NRBF2: variants seen among roughly 807,000 people sequenced by gnomAD.
NRBF2 encodes nuclear receptor-binding factor 2.
In NRBF2, 12 loss-of-function variants were observed where a neutral mutation model predicts 28.5. That is an observed-to-expected ratio of 0.42 (90% CI 0.27 to 0.68). The LOEUF (loss-of-function observed/expected upper bound fraction) is 0.68. Among genes scored for constraint, NRBF2 ranks in the 30% least tolerant of loss-of-function variants. The probability of loss-of-function intolerance (pLI) is 0.24; values close to 1 mark genes in which losing one functional copy is unlikely to be tolerated. For synonymous variants in NRBF2, 102 were observed against 116.5 expected, an observed-to-expected ratio of 0.88 and a Z score of 0.80; for missense variants, 274 against 333.5, an observed-to-expected ratio of 0.82 and a Z score of 1.39.
At position 63,154,593 on chromosome 10, in the gene NRBF2, A is replaced by G. The variant is rs933729814; in HGVS notation, c.*375A>G. 4.2e-5 allele frequency: 7 copies of G among 166,412 alleles called. No individual in the cohort carries two copies. Among genetic ancestry groups the G allele is most frequent in the Non-Finnish European group, 7.8e-5 (6 of 76,964 alleles). 10.3% of individuals were successfully genotyped at this position (166,412 alleles called of 1,614,324 possible). ...TCTATAATGCCATAAATGATAATGCAAAACCTAAATAATATGGTGGCCGGA... is the reference window on the plus strand; with the variant it reads ...TCTATAATGCCATAAATGATAATGCGAAACCTAAATAATATGGTGGCCGGA... On this transcript the variant is annotated 3_prime_UTR_variant, in exon 4 of 4. Coordinates refer to ENST00000277746, the MANE Select transcript of NRBF2 (RefSeq NM_030759.5).
At chr10:63,143,577 C>T (rs1003580628) in intron 1 of NRBF2, among the ~76,000 whole-genome samples, 2 of 151,846 alleles carry the variant, frequency 1.3e-5, no homozygotes, top group African/African-American at 4.8e-5. Flanking sequence ...TCTCTTGCTT[C>T]AGCCTCCCGA....
At chr10:63,135,781 G>A (rs1309687124) in intron 1 of NRBF2, among the ~76,000 whole-genome samples, 2 of 151,976 alleles carry the variant, frequency 1.3e-5, no homozygotes, top group Non-Finnish European at 2.9e-5. Flanking sequence ...TGAGTAGCTG[G>A]GATTTCAGGC....
intron 1 of NRBF2, among the ~76,000 whole-genome samples, chr10:63,136,627 T>G (rs1002906451): frequency 3.3e-5 from 5 of 152,218 alleles, no homozygotes; most frequent in African/African-American, 7.2e-5. Context: ...GGTAATTACT[T>G]AGGTCAGTAA....
chr10:63,153,602 G>A lies in NRBF2; in HGVS notation c.248G>A (p.Arg83Lys). 1 of 1,611,992 alleles carries A rather than the reference G, an allele frequency of 6.2e-7. No individual in the cohort carries two copies. ...TGGAAAAGGGCCCAGCGTGAAGAAA[G>A]ATTGAAAGCCCAGCAGAACACAGAC... ...ERWKRAQREE[R>K]LKAQQNTDKD... Residue 83 changes from arginine to lysine, a missense_variant, in exon 4 of 4, where the codon AGA becomes AAA. Physicochemically the swap from Arg to Lys is conservative, Grantham distance 26. Coordinates refer to ENST00000277746, the MANE Select transcript of NRBF2 (RefSeq NM_030759.5).
chr10:63,149,942 AT>A (rs60700597), intron 2 of NRBF2, among the ~76,000 whole-genome samples: 120,461 of 133,404 alleles, frequency 0.9, 54,426 homozygotes, highest in South Asian at 0.96. Context: ...GTCTCCACAG[AT>A]TTTTTTTTTT....
chr10:63,134,246 A>G (rs537059384), intron 1 of NRBF2, among the ~76,000 whole-genome samples: 2 of 152,248 alleles, frequency 1.3e-5, no homozygotes, highest in African/African-American at 4.8e-5. Flanking sequence ...TTAAAAAACA[A>G]CACAACAGAA....
chr10:63,140,280 C>A (rs1239380086), intron 1 of NRBF2, among the ~76,000 whole-genome samples: 1 of 152,208 alleles, frequency 6.6e-6, no homozygotes, highest in African/African-American at 2.4e-5. Context: ...AGACCTCAAT[C>A]TAACGTAACC....
At chr10:63,135,280 A>G (rs1011354699) in intron 1 of NRBF2, among the ~76,000 whole-genome samples, 1 of 152,228 alleles carries the variant, frequency 6.6e-6, no homozygotes, top group Non-Finnish European at 1.5e-5. Flanking sequence ...CTGAAACTTC[A>G]CAGGAGTATT....
chr10:63,148,709 G>T (rs1260369928), intron 2 of NRBF2, among the ~76,000 whole-genome samples: 1 of 152,178 alleles, frequency 6.6e-6, no homozygotes, highest in Non-Finnish European at 1.5e-5. Flanking sequence ...TAAGTTGCTT[G>T]ATGTCTCTTG....
Position 63,154,184 on chromosome 10 carries a change from C to G in NRBF2, c.830C>G (p.Ser277Cys), listed in dbSNP as rs1841695133. Residue 277 changes from serine to cysteine, a missense_variant, in exon 4 of 4, where the codon TCT (serine) becomes TGT (cysteine). Ser to Cys is a moderately radical substitution (Grantham distance 112, BLOSUM62 -1). Coordinates refer to ENST00000277746, the MANE Select transcript of NRBF2 (RefSeq NM_030759.5). ...PSPELPLMEL[S>C]EDILKGFMNN is the part of the protein sequence containing the mutation. ...CCAGAACTTCCTCTTATGGAGCTCT[C>G]TGAGGATATTCTGAAAGGATTTATG... is the stretch of plus-strand genomic sequence containing the variant. 3 of 1,602,760 alleles carry G rather than the reference C, an allele frequency of 1.9e-6. No homozygotes were observed. Among genetic ancestry groups the G allele is most frequent in the Admixed American group, 3.4e-5 (2 of 58,888 alleles).
chr10:63,149,744 A>C (rs893876160), intron 2 of NRBF2, among the ~76,000 whole-genome samples: 1 of 152,188 alleles, frequency 6.6e-6, no homozygotes, highest in Non-Finnish European at 1.5e-5. Flanking sequence ...TACAATTTCA[A>C]GGTTCTACAA....
At chr10:63,152,079 AAACTCTT>A in intron 2 of NRBF2, 64 bp from the exon 3 acceptor site, 1 of 1,142,726 alleles carries the variant, frequency 8.8e-7, no homozygotes, top group Non-Finnish European at 1.3e-6. Context: ...AAGATTATTA[AAACTCTT>A]CCTTTTACCT....
At chr10:63,152,858 G>A (rs759435544) in intron 3 of NRBF2, among the ~76,000 whole-genome samples, 12 of 152,254 alleles carry the variant, frequency 7.9e-5, no homozygotes, top group Non-Finnish European at 1.5e-4. Context: ...TTAGCTGGGC[G>A]TGGTGGCACA....
chr10:63,136,417 AGC>A (rs1338558143), intron 1 of NRBF2, among the ~76,000 whole-genome samples: 1 of 152,222 alleles, frequency 6.6e-6, no homozygotes, highest in East Asian at 1.9e-4. Context: ...GTATTATACA[AGC>A]TTTTTCTTTT....
rs1176574729 is a variant in NRBF2, at chr10:63,149,270, T to C, written c.116-2880T>C. Reference sequence around the variant, plus strand: ...TAGCTGGGACTACAGGCATGCGCCATCACACTTGGCTGATTTTTGTATTTT... The same window carrying C: ...TAGCTGGGACTACAGGCATGCGCCACCACACTTGGCTGATTTTTGTATTTT... On this transcript the variant is annotated intron_variant, in intron 2 of 3. Coordinates refer to ENST00000277746, the MANE Select transcript of NRBF2 (RefSeq NM_030759.5). Among the ~76,000 whole-genome samples, 3 of 152,274 alleles carry C rather than the reference T, an allele frequency of 2.0e-5. No homozygotes were observed. The East Asian group carries it at 5.8e-4, about 29-fold the overall frequency.
intron 2 of NRBF2, among the ~76,000 whole-genome samples, chr10:63,147,862 T>C (rs1001834668): frequency 1.3e-5 from 2 of 152,176 alleles, no homozygotes; most frequent in African/African-American, 4.8e-5. Context: ...CATAAATCTT[T>C]GGGTGTTTTT....
intron 1 of NRBF2, among the ~76,000 whole-genome samples, chr10:63,144,515 C>T (rs1192421135): frequency 6.6e-6 from 1 of 151,018 alleles, no homozygotes; most frequent in Non-Finnish European, 1.5e-5. Context: ...TCCGGGTTCA[C>T]GCTATTCTCC....
intron 1 of NRBF2, among the ~76,000 whole-genome samples, chr10:63,139,472 T>C (rs1480922158): frequency 6.6e-6 from 1 of 152,246 alleles, no homozygotes; most frequent in Non-Finnish European, 1.5e-5. Context: ...TTGTCAGTGA[T>C]GGCAGTCACT....
intron 1 of NRBF2, among the ~76,000 whole-genome samples, chr10:63,139,645 C>A (rs1354250566): frequency 1.3e-5 from 2 of 152,182 alleles, no homozygotes; most frequent in African/African-American, 4.8e-5. Context: ...TAGAGCCTGT[C>A]AGTCCGACTT....
Sources: allele counts gnomAD v4.1 joint callset (sites outside exome capture counted in the v4.1 genomes callset), GRCh38; gene constraint gnomAD v4.1.1; transcripts MANE v1.5; gene names NCBI Gene and HGNC (gene_info 2026-07-23, HGNC 2026-07-21).